The following ARHGAP17 variants were observed in gnomAD, a reference collection of about 807,000 sequenced individuals.
The protein encoded by ARHGAP17 is rho GTPase-activating protein 17.
In ARHGAP17, 57 loss-of-function variants were observed where a neutral mutation model predicts 99.5. That is an observed-to-expected ratio of 0.57 (90% confidence interval 0.46 to 0.71). ARHGAP17 has a LOEUF of 0.71. Among genes scored for constraint, ARHGAP17 ranks in the 30% least tolerant of loss-of-function variants. The pLI, the probability that ARHGAP17 is intolerant of heterozygous loss-of-function variation, is 0.00. For synonymous variants in ARHGAP17, 417 were observed against 429.6 expected, an observed-to-expected ratio of 0.97 and a Z score of 0.36; for missense variants, 1,000 against 1,122.4, an observed-to-expected ratio of 0.89 and a Z score of 1.56.
chr16:24,923,371 T>C (rs1837336375), intron 19 of ARHGAP17, among the ~76,000 whole-genome samples: 1 of 152,132 alleles, frequency 6.6e-6, no homozygotes, highest in Non-Finnish European at 1.5e-5. Context: ...CACCTCTAAA[T>C]CTTTCTGGCT....
At position 25,015,283 on chromosome 16, in the gene ARHGAP17, C is replaced by T; in HGVS notation, c.-22G>A. The T allele has an allele frequency of 7.5e-7, 1 of 1,328,380 alleles. No homozygotes were observed. Among genetic ancestry groups the T allele is most frequent in the Non-Finnish European group, 9.7e-7 (1 of 1,029,730 alleles). 82.3% of individuals were successfully genotyped at this position (1,328,380 alleles called of 1,614,324 possible). On this transcript the variant is annotated 5_prime_UTR_variant, in exon 1 of 20. Transcript: ENST00000289968. ...TCATGGCGGCGGTGGCGGCGGCGGC[C>T]CGCGGGGCTCGGGCCGGGCAGGGCG...
In ARHGAP17 at chr16:24,942,751, G is replaced by C. The variant is rs566519724; in HGVS notation, c.1334-608C>G. ...CCACTGCACTTCAGCCTGGGCGACA[G>C]AGCAAGACTCTGTCTCAAAAAAAAA... On this transcript the variant is annotated intron_variant, in intron 15 of 19. Coordinates refer to ENST00000289968, the MANE Select transcript of ARHGAP17 (RefSeq NM_001006634.3). Among the ~76,000 whole-genome samples the C allele has an allele frequency of 2.1e-4, 30 of 141,724 alleles. No individual in the cohort carries two copies. In the East Asian group the frequency reaches 4.9e-3, roughly 23 times the overall value. The allele number at this position is 141,724 out of a possible 152,430, so 93.0% of individuals were successfully genotyped here.
At chr16:25,010,118 C>T (rs1426356995) in intron 1 of ARHGAP17, among the ~76,000 whole-genome samples, 2 of 151,898 alleles carry the variant, frequency 1.3e-5, no homozygotes, top group African/African-American at 4.8e-5. Context: ...CTCTGTCACC[C>T]AGACTGGAGT....
intron 5 of ARHGAP17, 102 bp downstream of exon 5, chr16:24,968,559 A>G (rs1291445479): frequency 1.2e-5 from 18 of 1,508,614 alleles, no homozygotes; most frequent in Non-Finnish European, 1.6e-5. Context: ...ATTTCCAAAA[A>G]GAAGTGTATG....
rs1467355269 is a variant in ARHGAP17, at chr16:25,015,197, C to T, written c.53+12G>A. ...GCCCCGGTGCGACCCCCGTGCTGCC[C>T]GGCGCACTCGCCTGCCCACGGTCTG... On this transcript the variant is annotated intron_variant, in intron 1 of 19. Coordinates refer to ENST00000289968, the MANE Select transcript of ARHGAP17 (RefSeq NM_001006634.3). 1 of 1,318,022 alleles carries T rather than the reference C, an allele frequency of 7.6e-7. No individual in the cohort carries two copies. Among genetic ancestry groups the T allele is most frequent in the Non-Finnish European group, 9.7e-7 (1 of 1,027,070 alleles). 81.6% of individuals were successfully genotyped at this position (1,318,022 alleles called of 1,614,324 possible). A position where few individuals can be genotyped will look rare whatever the true frequency, so the allele number is the denominator to read the frequency against.
chr16:24,984,032 G>A (rs1199716011), intron 1 of ARHGAP17, among the ~76,000 whole-genome samples: 1 of 152,206 alleles, frequency 6.6e-6, no homozygotes, highest in Non-Finnish European at 1.5e-5. Context: ...GGAGAAAACA[G>A]AAATGTTTTC....
At chr16:24,960,114 G>T in intron 7 of ARHGAP17, 135 bp from the exon 8 acceptor site, 1 of 757,136 alleles carries the variant, frequency 1.3e-6, no homozygotes, top group Non-Finnish European at 2.2e-6. Flanking sequence ...TCAACTGCCT[G>T]GTACAACCAT....
At chr16:25,009,416 G>A (rs1382881034) in intron 1 of ARHGAP17, among the ~76,000 whole-genome samples, 4 of 151,930 alleles carry the variant, frequency 2.6e-5, no homozygotes, top group African/African-American at 9.7e-5. Flanking sequence ...GAAGATCAGT[G>A]GGAGGAAAAG....
At chr16:25,011,899 T>C (rs2053652815) in intron 1 of ARHGAP17, among the ~76,000 whole-genome samples, 1 of 152,114 alleles carries the variant, frequency 6.6e-6, no homozygotes, top group Non-Finnish European at 1.5e-5. Flanking sequence ...AGAAAGGTGC[T>C]CAGATTTTCT....
chr16:24,935,091 C>G (rs889595349), intron 18 of ARHGAP17, among the ~76,000 whole-genome samples: 1 of 152,080 alleles, frequency 6.6e-6, no homozygotes, highest in Non-Finnish European at 1.5e-5. Flanking sequence ...TTCTGTTAAT[C>G]AGGACCTAGA....
At chr16:24,961,591 C>A (rs895220569) in intron 7 of ARHGAP17, among the ~76,000 whole-genome samples, 3 of 126,076 alleles carry the variant, frequency 2.4e-5, no homozygotes, top group Non-Finnish European at 3.1e-5. Flanking sequence ...AGTCTGGTGG[C>A]GCAATCTTGG....
At chr16:24,935,422 A>T in intron 18 of ARHGAP17, 48 bp downstream of exon 18, 1 of 1,535,086 alleles carries the variant, frequency 6.5e-7, no homozygotes. Context: ...TAACTTAAGG[A>T]GGTCTGCACA....
In ARHGAP17 at chr16:24,939,447, A is replaced by G. The variant is rs750101106; in HGVS notation, c.1641T>C (p.Ser547=). 4.8e-5 allele frequency: 77 copies of G among 1,611,924 alleles called. No homozygotes were observed. In the South Asian group the frequency reaches 8.3e-4, roughly 17 times the overall value. ...PAGPEPPPQS[S]RAESSSGGGT... is the part of the protein sequence containing the mutation. ...CACCCCCAGAGCTGCTTTCAGCCCT[A>G]GAGCTCTGGGGAGGGGGCTCTGGGC... The change falls in exon 17 of 20, where the codon TCT becomes TCC. Residue 547 remains serine (S), a synonymous_variant. Transcript: ENST00000289968.
intron 6 of ARHGAP17, among the ~76,000 whole-genome samples, chr16:24,967,564 C>A (rs762253787): frequency 2.6e-5 from 4 of 152,052 alleles, no homozygotes; most frequent in African/African-American, 9.7e-5. Context: ...GTAATCCCAG[C>A]GCTTTGGGAG....
chr16:24,925,178 A>C (rs1597352866), intron 19 of ARHGAP17, among the ~76,000 whole-genome samples: 2 of 152,186 alleles, frequency 1.3e-5, no homozygotes, highest in African/African-American at 4.8e-5. Context: ...CATGAGTTGG[A>C]GACCAGCCTG....
intron 7 of ARHGAP17, among the ~76,000 whole-genome samples, chr16:24,960,964 C>T (rs1052454486): frequency 2.6e-5 from 4 of 151,840 alleles, no homozygotes; most frequent in Non-Finnish European, 4.4e-5. Flanking sequence ...CTCCACCTCC[C>T]GGGTTCAAGG....
chr16:24,954,996 GCT>G, intron 9 of ARHGAP17: 1 of 414,788 alleles, frequency 2.4e-6, no homozygotes, highest in South Asian at 3.6e-5. Flanking sequence ...GCAGTGGCAC[GCT>G]GCACCTGCAC....
chr16:24,935,091 CA>C (rs1457353182), intron 18 of ARHGAP17, among the ~76,000 whole-genome samples: 1 of 152,080 alleles, frequency 6.6e-6, no homozygotes, highest in African/African-American at 2.4e-5. Flanking sequence ...TTCTGTTAAT[CA>C]GGACCTAGAA....
chr16:24,975,358 G>A (rs2052484348), intron 3 of ARHGAP17, among the ~76,000 whole-genome samples: 1 of 152,202 alleles, frequency 6.6e-6, no homozygotes, highest in Admixed American at 6.5e-5. Context: ...CATAAGAACA[G>A]AGGAGGTGGC....
Sources: gnomAD v4.1 joint callset for allele counts (sites outside exome capture counted in the v4.1 genomes callset) on GRCh38, gnomAD v4.1.1 for gene constraint, MANE v1.5 for transcripts, NCBI Gene and HGNC (gene_info 2026-07-23, HGNC 2026-07-21) for gene names.